EEIG2: variants seen among roughly 807,000 people sequenced by gnomAD.
EEIG2 encodes EEIG family member 2.
the EEIG2 span, among the ~76,000 whole-genome samples, chr1:108,585,818 T>G: frequency 1.3e-5 from 2 of 152,162 alleles, no homozygotes; most frequent in Non-Finnish European, 2.9e-5. Context: ...TGTGCTGTTT[T>G]GTCATACCCT....
At chr1:108,589,510 AC>A in the EEIG2 span, among the ~76,000 whole-genome samples, 1 of 151,914 alleles carries the variant, frequency 6.6e-6, no homozygotes, top group Non-Finnish European at 1.5e-5. Flanking sequence ...CCTTTATCTT[AC>A]CTGACCTCTC....
chr1:108,609,817 G>A, the EEIG2 span, among the ~76,000 whole-genome samples: 1 of 151,978 alleles, frequency 6.6e-6, no homozygotes, highest in Non-Finnish European at 1.5e-5. Context: ...AAAACCAAAC[G>A]CTGCATGTTC....
chr1:108,634,835 GC>G, the EEIG2 span, among the ~76,000 whole-genome samples: 5 of 152,166 alleles, frequency 3.3e-5, no homozygotes, highest in Non-Finnish European at 7.3e-5. Flanking sequence ...AGCATTTCTT[GC>G]CACCATTTGT....
the EEIG2 span, among the ~76,000 whole-genome samples, chr1:108,570,119 TAGAA>T: frequency 2.0e-5 from 3 of 152,130 alleles, no homozygotes; most frequent in African/African-American, 7.2e-5. Flanking sequence ...CAAGAATAGG[TAGAA>T]AGGAGAAAGT....
At chr1:108,615,981 A>G in the EEIG2 span, among the ~76,000 whole-genome samples, 1 of 152,048 alleles carries the variant, frequency 6.6e-6, no homozygotes. Context: ...CCACACACCC[A>G]CAGGATTATT....
At chr1:108,575,915 A>G in the EEIG2 span, among the ~76,000 whole-genome samples, 1 of 151,620 alleles carries the variant, frequency 6.6e-6, no homozygotes, top group Non-Finnish European at 1.5e-5. Context: ...AATATACTAA[A>G]AGCTATGGAT....
the EEIG2 span, among the ~76,000 whole-genome samples, chr1:108,631,285 T>C: frequency 6.6e-6 from 1 of 152,226 alleles, no homozygotes; most frequent in Admixed American, 6.5e-5. Flanking sequence ...ACTACCTGTA[T>C]TTATAAAGTT....
At chr1:108,576,749 A>G in the EEIG2 span, among the ~76,000 whole-genome samples, 1 of 150,378 alleles carries the variant, frequency 6.6e-6, no homozygotes, top group South Asian at 2.1e-4. Context: ...TAATGCCGCA[A>G]TAAACATACG....
the EEIG2 span, among the ~76,000 whole-genome samples, chr1:108,568,575 C>T: frequency 6.6e-6 from 1 of 152,098 alleles, no homozygotes; most frequent in Non-Finnish European, 1.5e-5. Flanking sequence ...CCATTGTCAC[C>T]TGTTTTTGAT....
chr1:108,604,099 T>C, the EEIG2 span, among the ~76,000 whole-genome samples: 1 of 152,188 alleles, frequency 6.6e-6, no homozygotes. Flanking sequence ...TCAGAAGTAC[T>C]GTGAACCCTA....
chr1:108,568,403 G>T, the EEIG2 span, among the ~76,000 whole-genome samples: 37 of 152,272 alleles, frequency 2.4e-4, 2 homozygotes, highest in African/African-American at 7.5e-4. Flanking sequence ...AAGATATTCG[G>T]ATTCTTAAGA....
chr1:108,569,458 C>G, the EEIG2 span, among the ~76,000 whole-genome samples: 2 of 152,184 alleles, frequency 1.3e-5, no homozygotes, highest in African/African-American at 4.8e-5. Context: ...TCCCAAGTAG[C>G]TGGGGCTACA....
At chr1:108,635,284 T>A in the EEIG2 span, 1 of 1,151,374 alleles carries the variant, frequency 8.7e-7, no homozygotes, top group Non-Finnish European at 1.3e-6. Flanking sequence ...GTTTCTTCTC[T>A]GGAAGGACCC....
the EEIG2 span, among the ~76,000 whole-genome samples, chr1:108,607,513 T>C: frequency 2.6e-5 from 4 of 152,166 alleles, no homozygotes; most frequent in Non-Finnish European, 5.9e-5. Flanking sequence ...GAACTGAGGC[T>C]GGACGCCTGA....
At chr1:108,561,115 T>C in the EEIG2 span, among the ~76,000 whole-genome samples, 9 of 152,202 alleles carry the variant, frequency 5.9e-5, no homozygotes, top group Non-Finnish European at 1.2e-4. Flanking sequence ...TAGGCGCTAA[T>C]GCTGGATGAA....
the EEIG2 span, among the ~76,000 whole-genome samples, chr1:108,570,052 A>AT: frequency 6.6e-6 from 1 of 152,198 alleles, no homozygotes; most frequent in African/African-American, 2.4e-5. Context: ...TACTCTTTTA[A>AT]TTACCTTCAT....
the EEIG2 span, chr1:108,616,543 T>A: frequency 1.8e-4 from 127 of 693,368 alleles, 1 homozygote; most frequent in South Asian, 2.4e-3. Flanking sequence ...AGTTAAGGGA[T>A]AGTTTCTTCC....
At chr1:108,634,200 C>T in the EEIG2 span, among the ~76,000 whole-genome samples, 1 of 152,172 alleles carries the variant, frequency 6.6e-6, no homozygotes, top group Non-Finnish European at 1.5e-5. Context: ...TGCTGCCCAC[C>T]ATGGTTTCTT....
the EEIG2 span, among the ~76,000 whole-genome samples, chr1:108,568,821 G>A: frequency 6.6e-6 from 1 of 152,122 alleles, no homozygotes; most frequent in Non-Finnish European, 1.5e-5. Context: ...AAGGAGGAGA[G>A]GGGAAGGGAA....
Sources: gnomAD v4.1 joint callset for allele counts (sites outside exome capture counted in the v4.1 genomes callset) on GRCh38, gnomAD v4.1.1 for gene constraint, MANE v1.5 for transcripts, NCBI Gene and HGNC (gene_info 2026-07-23, HGNC 2026-07-21) for gene names.